EVC: variants seen among roughly 807,000 people sequenced by gnomAD.
EVC encodes the protein evC complex member EVC.
EVC carries 116 observed loss-of-function variants against 118.9 expected under a neutral mutation model. The observed-to-expected ratio is 0.98, with a 90% confidence interval of 0.84 to 1.14. EVC has a LOEUF of 1.14. Ranked by LOEUF, EVC falls within the 50% of genes most tolerant of loss-of-function variation. The probability of loss-of-function intolerance (pLI) is 0.00; values close to 1 mark genes in which losing one functional copy is unlikely to be tolerated. For synonymous variants in EVC, 619 were observed against 534.7 expected (o/e 1.16, Z -2.18); for missense variants, 1,401 against 1,246.4 (o/e 1.12, Z -1.87).
intron 11 of EVC, among the ~76,000 whole-genome samples, chr4:5,778,771 G>T (rs1293686053): frequency 2.6e-5 from 4 of 152,048 alleles, no homozygotes; most frequent in Non-Finnish European, 5.9e-5. Flanking sequence ...TTGGGAAAAT[G>T]TTCTCCCATT....
rs1577411360 is a variant in EVC, at chr4:5,746,563, G to C, written c.939+1222G>C. Among the ~76,000 whole-genome samples, 1 of 152,120 alleles carries C rather than the reference G, an allele frequency of 6.6e-6. No individual in the cohort carries two copies. The highest frequency in any genetic ancestry group is 2.1e-4 in the South Asian group (1 of 4,804). On this transcript the variant is annotated intron_variant, in intron 7 of 20. Coordinates refer to ENST00000264956, the MANE Select transcript of EVC (RefSeq NM_153717.3). The surrounding 1 kb of genome is among the most constrained non-coding windows in gnomAD (Gnocchi z 5.8). ...AGAGCCCAGGTTAGAGGACTTTGAGGGCCAGAATGTTCTTAGAACTGTGGG... is the reference window on the plus strand; with the variant it reads ...AGAGCCCAGGTTAGAGGACTTTGAGCGCCAGAATGTTCTTAGAACTGTGGG...
intron 8 of EVC, among the ~76,000 whole-genome samples, chr4:5,750,119 G>A (rs191759831): frequency 6.6e-6 from 1 of 152,156 alleles, no homozygotes; most frequent in East Asian, 1.9e-4. Context: ...ACGCAGATAA[G>A]GAGCCCACTC....
chr4:5,748,683 C>CCCGT (rs1560331103), intron 8 of EVC, among the ~76,000 whole-genome samples: 4 of 95,880 alleles, frequency 4.2e-5, no homozygotes, highest in Non-Finnish European at 7.9e-5. Context: ...CATCCATCCA[C>CCCGT]CCACCCATCC....
Position 5,772,624 on chromosome 4 carries a change from C to G in EVC, c.1564-10928C>G, listed in dbSNP as rs1734156632. Among the ~76,000 whole-genome samples, 7 of 152,116 alleles carry G rather than the reference C, an allele frequency of 4.6e-5. No homozygotes were observed. The South Asian group carries it at 1.0e-3, about 23-fold the overall frequency. On this transcript the variant is annotated intron_variant, in intron 11 of 20. Coordinates refer to ENST00000264956, the MANE Select transcript of EVC (RefSeq NM_153717.3). ...AGCCTGTCCACAAGATGCCCCCAAC[C>G]TGACCCACAAGGTCTTCCTGGCCTG...
intron 12 of EVC, 71 bp from the exon 13 acceptor site, chr4:5,793,537 A>G: frequency 3.1e-6 from 4 of 1,308,476 alleles, no homozygotes; most frequent in Non-Finnish European, 4.3e-6. Context: ...AACAAAATGC[A>G]CAATCCTAGC....
At chr4:5,823,480 C>T in the EVC span, among the ~76,000 whole-genome samples, 1 of 152,168 alleles carries the variant, frequency 6.6e-6, no homozygotes, top group Admixed American at 6.5e-5. Context: ...CTTTTGTCCC[C>T]CAAAACTTCG....
At position 5,783,661 on chromosome 4, in the gene EVC, G is replaced by C. The variant is rs775402958; in HGVS notation, c.1673G>C (p.Arg558Thr). 5 of 1,614,162 alleles carry C rather than the reference G, an allele frequency of 3.1e-6. No individual in the cohort carries two copies. The highest frequency in any genetic ancestry group is 4.2e-6 in the Non-Finnish European group (5 of 1,180,026). ...CCCCCGGAAGAGTGTGACTACTTGA[G>C]GCAGGAAGTCCAGGAGAACGCTGCC... ...GLPPEECDYL[R>T]QEVQENAAWQ... Residue 558 changes from arginine (R) to threonine (T), a missense_variant, in exon 12 of 21, where the codon AGG (arginine) becomes ACG (threonine). Coordinates refer to ENST00000264956, the MANE Select transcript of EVC (RefSeq NM_153717.3).
At position 5,719,159 on chromosome 4, in the gene EVC, T is replaced by C. The variant is rs1170385107; in HGVS notation, c.175-89T>C. 6 of 1,567,490 alleles carry C rather than the reference T, an allele frequency of 3.8e-6. No individual in the cohort carries two copies. The Admixed American group carries it at 1.0e-4, about 26-fold the overall frequency. Reference sequence around the variant, plus strand: ...GAAGTGGCTGCTGGACTGGGGGAGTTGACTGGCAAAAGTCACGGTGGGGAC... The same window carrying C: ...GAAGTGGCTGCTGGACTGGGGGAGTCGACTGGCAAAAGTCACGGTGGGGAC... On this transcript the variant is annotated intron_variant, in intron 1 of 20. Coordinates refer to ENST00000264956, the MANE Select transcript of EVC (RefSeq NM_153717.3). The surrounding 1 kb of genome is among the most constrained non-coding windows in gnomAD (Gnocchi z 4.7).
the EVC span, chr4:5,820,885 GAAAACTTTGTAC>G: frequency 6.6e-6 from 1 of 151,960 alleles, no homozygotes; most frequent in Non-Finnish European, 1.5e-5. Context: ...GATTACAAAG[GAAAACTTTGTAC>G]AAAACTTTAA....
intron 2 of EVC, among the ~76,000 whole-genome samples, chr4:5,722,308 A>T (rs952184665): frequency 6.6e-6 from 1 of 152,148 alleles, no homozygotes; most frequent in East Asian, 1.9e-4. Context: ...CTGCCTAGTA[A>T]TGTCTTGTTC....
chr4:5,755,661 C>G lies in EVC; in HGVS notation c.1465-603C>G, dbSNP rs891939508. ...GTCCTTAGAGACTCCATTGAAACAT[C>G]TCCCCAACAGGGAATTTTCTCCTGC... On this transcript the variant is annotated intron_variant, in intron 10 of 20. Coordinates refer to ENST00000264956, the MANE Select transcript of EVC (RefSeq NM_153717.3). This position sits in a 1 kb window ranked among gnomAD's most constrained non-coding sequence, Gnocchi z 4.1. Among the ~76,000 whole-genome samples the G allele has an allele frequency of 7.9e-5, 12 of 152,272 alleles. No homozygotes were observed. Among genetic ancestry groups the G allele is most frequent in the African/African-American group, 2.6e-4 (11 of 41,556 alleles).
At chr4:5,741,336 C>T (rs1325753431) in intron 5 of EVC, among the ~76,000 whole-genome samples, 1 of 152,208 alleles carries the variant, frequency 6.6e-6, no homozygotes, top group East Asian at 1.9e-4. Flanking sequence ...ATTTCCAGTT[C>T]CATACAACTA....
intron 5 of EVC, among the ~76,000 whole-genome samples, chr4:5,733,650 A>G (rs1421202408): frequency 6.6e-6 from 1 of 152,218 alleles, no homozygotes; most frequent in Non-Finnish European, 1.5e-5. Flanking sequence ...GACTTCAACC[A>G]GAGCTGTAGG....
chr4:5,818,431 C>T (rs10018612), downstream of EVC, among the ~76,000 whole-genome samples: 5,598 of 152,112 alleles, frequency 0.037, 142 homozygotes, highest in African/African-American at 0.074. Context: ...TACTTAATGT[C>T]GATAGGTTGA....
At chr4:5,807,562 G>C (rs1285959607) in intron 17 of EVC, among the ~76,000 whole-genome samples, 2 of 152,192 alleles carry the variant, frequency 1.3e-5, no homozygotes. Context: ...GTTCCTGACT[G>C]CTTAGGAACG....
At chr4:5,734,685 G>A (rs751833456) in intron 5 of EVC, among the ~76,000 whole-genome samples, 7 of 152,186 alleles carry the variant, frequency 4.6e-5, no homozygotes, top group Non-Finnish European at 5.9e-5. Flanking sequence ...ATAGCACACT[G>A]GGGATGTGCC....
chr4:5,766,732 C>T (rs1246592619), intron 11 of EVC, among the ~76,000 whole-genome samples: 3 of 131,670 alleles, frequency 2.3e-5, no homozygotes, highest in South Asian at 2.8e-4. Flanking sequence ...ACGTAGTTCT[C>T]GAGCCTTGGT....
chr4:5,794,917 A>G (rs764076883), intron 13 of EVC, among the ~76,000 whole-genome samples: 18 of 152,128 alleles, frequency 1.2e-4, no homozygotes, highest in Non-Finnish European at 1.8e-4. Flanking sequence ...CCCAGGGTCT[A>G]TTGTTCCCAT....
At position 5,727,922 on chromosome 4, in the gene EVC, A is replaced by G. The variant is rs964284408; in HGVS notation, c.301-1385A>G. Among the ~76,000 whole-genome samples the G allele has an allele frequency of 8.9e-5, 13 of 146,556 alleles. No individual in the cohort carries two copies. In the East Asian group the frequency reaches 2.2e-3, roughly 25 times the overall value. ...ATTTCTGAGGGCTCTGTTCTGTTCCATTGATCTATATCTCTGTTTTGGTAC... is the reference window on the plus strand; with the variant it reads ...ATTTCTGAGGGCTCTGTTCTGTTCCGTTGATCTATATCTCTGTTTTGGTAC... On this transcript the variant is annotated intron_variant, in intron 2 of 20. Coordinates refer to ENST00000264956, the MANE Select transcript of EVC (RefSeq NM_153717.3).
Sources: allele counts gnomAD v4.1 joint callset (sites outside exome capture counted in the v4.1 genomes callset), GRCh38; gene constraint gnomAD v4.1.1; non-coding constraint Gnocchi (gnomAD v3.1); transcripts MANE v1.5; gene names NCBI Gene and HGNC (gene_info 2026-07-23, HGNC 2026-07-21).